Variants in BEND6 observed in about 807,000 individuals in gnomAD.
BEND6 encodes the protein BEN domain-containing protein 6.
Under a neutral mutation model 31.8 loss-of-function variants are expected in BEND6, and 24 were observed. That is an observed-to-expected ratio of 0.75 (90% confidence interval 0.55 to 1.06). The LOEUF (loss-of-function observed/expected upper bound fraction) is 1.06, where lower values mean the gene tolerates loss of function less well. Among genes scored for constraint, BEND6 ranks in the 50% least tolerant of loss-of-function variants. The pLI is 0.00. For missense variants in BEND6, 294 were observed against 327.4 expected (o/e 0.90, Z 0.79); for synonymous variants, 109 against 114.6 (o/e 0.95, Z 0.31).
At chr6:56,992,188 A>G (rs893219303) in intron 2 of BEND6, among the ~76,000 whole-genome samples, 190 bp from the exon 3 acceptor site, 3 of 152,230 alleles carry the variant, frequency 2.0e-5, no homozygotes, top group Non-Finnish European at 2.9e-5. Flanking sequence ...GCATATGTGC[A>G]TGAAACTTTG....
At chr6:56,970,921 G>T (rs1825667617) in intron 1 of BEND6, among the ~76,000 whole-genome samples, 1 of 152,262 alleles carries the variant, frequency 6.6e-6, no homozygotes, top group African/African-American at 2.4e-5. Flanking sequence ...CAAAAACTGT[G>T]TTTTTGTAAA....
rs539208138 is a variant in BEND6, at chr6:56,963,761, A to G, written c.-101+8301A>G. 7.8e-4 allele frequency among the ~76,000 whole-genome samples: 117 copies of G among 150,056 alleles called. 1 individual carries two copies. Among genetic ancestry groups the G allele is most frequent in the African/African-American group, 2.7e-3 (111 of 41,200 alleles). ...AACTTGTATGGGGGTAATCTGGTTC[A>G]GTTTGCTTCAATTAATAATAAAATA... On this transcript the variant is annotated intron_variant, in intron 1 of 6. Transcript: ENST00000370746.
At chr6:56,961,033 A>G (rs1825268855) in intron 1 of BEND6, among the ~76,000 whole-genome samples, 1 of 152,190 alleles carries the variant, frequency 6.6e-6, no homozygotes, top group Non-Finnish European at 1.5e-5. Context: ...GTTTCTAGAG[A>G]CCTGAAATTA....
At chr6:56,998,676 T>C (rs1593005975) in intron 3 of BEND6, among the ~76,000 whole-genome samples, 1 of 149,564 alleles carries the variant, frequency 6.7e-6, no homozygotes. Flanking sequence ...GAAGAAAACA[T>C]TGGGAAATGC....
Position 57,014,446 on chromosome 6 carries a change from T to C in BEND6, c.299-687T>C, listed in dbSNP as rs1452140919. ...AAGATCTCTTCCAACTCCAACAACATGTTATTTGTCCTTAGGAAACAAACT... is the reference window on the plus strand; with the variant it reads ...AAGATCTCTTCCAACTCCAACAACACGTTATTTGTCCTTAGGAAACAAACT... On this transcript the variant is annotated intron_variant, in intron 3 of 6. Coordinates refer to ENST00000370746, the MANE Select transcript of BEND6 (RefSeq NM_152731.3). The C allele has an allele frequency of 3.5e-6, 5 of 1,444,586 alleles. No homozygotes were observed. In the Admixed American group the frequency reaches 7.5e-5, roughly 22 times the overall value. 89.5% of individuals were successfully genotyped at this position (1,444,586 alleles called of 1,614,324 possible).
At chr6:56,981,101 G>A (rs1299823725) in intron 1 of BEND6, among the ~76,000 whole-genome samples, 1 of 152,002 alleles carries the variant, frequency 6.6e-6, no homozygotes, top group Non-Finnish European at 1.5e-5. Context: ...GGTGTGAGCC[G>A]TCATGCCCAG....
At chr6:56,979,339 T>C (rs1315764634) in intron 1 of BEND6, among the ~76,000 whole-genome samples, 1 of 152,212 alleles carries the variant, frequency 6.6e-6, no homozygotes, top group African/African-American at 2.4e-5. Flanking sequence ...TTCTTGGTGA[T>C]GGTTATGCAA....
chr6:56,963,177 T>C (rs1034057510), intron 1 of BEND6, among the ~76,000 whole-genome samples: 1 of 152,200 alleles, frequency 6.6e-6, no homozygotes, highest in South Asian at 2.1e-4. Context: ...GCACTGCAGC[T>C]CTTCCCCTAA....
rs775680217 is a variant in BEND6, at chr6:57,011,741, AAAAAGAAAAG to A, written c.299-3382_299-3373del. Among the ~76,000 whole-genome samples the A allele has an allele frequency of 6.5e-3, 968 of 149,530 alleles. 9 individuals are homozygous for A. The highest frequency in any genetic ancestry group is 0.011 in the Non-Finnish European group (749 of 67,262). On this transcript the variant is annotated intron_variant, in intron 3 of 6. Coordinates refer to ENST00000370746, the MANE Select transcript of BEND6 (RefSeq NM_152731.3). ...AAAAAAAAAAAAAAAAAAAAGAAAAAAAAAGAAAAGAAAAGAAAAAGAAAGAAAGAAAGAA... is the reference window on the plus strand; with the variant it reads ...AAAAAAAAAAAAAAAAAAAAGAAAAAAAAAGAAAAAGAAAGAAAGAAAGAA...
intron 1 of BEND6, among the ~76,000 whole-genome samples, chr6:56,963,886 T>A (rs1331380121): frequency 6.8e-6 from 1 of 147,784 alleles, no homozygotes; most frequent in African/African-American, 2.5e-5. Flanking sequence ...TACTATTAAA[T>A]TAATGTTATA....
At chr6:56,986,923 G>A (rs1826298197) in intron 2 of BEND6, among the ~76,000 whole-genome samples, 1 of 151,686 alleles carries the variant, frequency 6.6e-6, no homozygotes, top group African/African-American at 2.4e-5. Flanking sequence ...ATAATGTTCT[G>A]GCACCTTGTG....
intron 3 of BEND6, among the ~76,000 whole-genome samples, chr6:56,999,880 C>G (rs1593007358): frequency 1.3e-5 from 2 of 152,180 alleles, no homozygotes; most frequent in African/African-American, 4.8e-5. Flanking sequence ...CGCCCATTGT[C>G]TGGGATGTGA....
chr6:56,975,945 C>T (rs1369987973), intron 1 of BEND6: 1 of 530,426 alleles, frequency 1.9e-6, no homozygotes. Flanking sequence ...GACACCAGCA[C>T]CAGAGCATAC....
chr6:56,982,236 T>C (rs1343436712), intron 2 of BEND6, among the ~76,000 whole-genome samples: 2 of 152,196 alleles, frequency 1.3e-5, no homozygotes, highest in African/African-American at 4.8e-5. Flanking sequence ...CTCTTTTTAA[T>C]GTTGAACAGT....
In BEND6 at chr6:56,998,741, G is replaced by A. The variant is rs183369323; in HGVS notation, c.298+6186G>A. Among the ~76,000 whole-genome samples, 470 of 147,890 alleles carry A rather than the reference G, an allele frequency of 3.2e-3. 2 individuals carry two copies. The highest frequency in any genetic ancestry group is 0.011 in the African/African-American group (453 of 40,062). ...TTTTTAATAAGACCCCAAGAGCATA[G>A]GCAACAAAAGCAAAAAAAAAAAAGA... is the stretch of plus-strand genomic sequence containing the variant. On this transcript the variant is annotated intron_variant, in intron 3 of 6. Coordinates refer to ENST00000370746, the MANE Select transcript of BEND6 (RefSeq NM_152731.3).
At chr6:56,966,884 A>G (rs1825499774) in intron 1 of BEND6, among the ~76,000 whole-genome samples, 1 of 152,210 alleles carries the variant, frequency 6.6e-6, no homozygotes, top group Non-Finnish European at 1.5e-5. Context: ...AGTAATACAG[A>G]TAAGAGCATG....
chr6:56,976,197 CTTT>C (rs530764397), intron 1 of BEND6: 304 of 151,786 alleles, frequency 2.0e-3, no homozygotes, highest in South Asian at 4.8e-3. Context: ...AGTGTTAGTG[CTTT>C]TTTTTTTTTT....
intron 1 of BEND6, among the ~76,000 whole-genome samples, chr6:56,962,919 A>G (rs373084101): frequency 3.9e-5 from 6 of 152,172 alleles, no homozygotes; most frequent in African/African-American, 1.4e-4. Flanking sequence ...AACAGCTAGC[A>G]CTTATTGAGT....
intron 1 of BEND6, among the ~76,000 whole-genome samples, chr6:56,980,338 G>A (rs1470093200): frequency 2.0e-5 from 3 of 152,156 alleles, no homozygotes; most frequent in African/African-American, 7.2e-5. Context: ...ACAAGCGTGA[G>A]CCACCATGCC....
Sources: gnomAD v4.1 joint callset for allele counts (sites outside exome capture counted in the v4.1 genomes callset) on GRCh38, gnomAD v4.1.1 for gene constraint, MANE v1.5 for transcripts, NCBI Gene and HGNC (gene_info 2026-07-23, HGNC 2026-07-21) for gene names.